The following RAI14 variants were observed in gnomAD, a reference collection of about 807,000 sequenced individuals.
RAI14 encodes the protein ankycorbin.
A neutral mutation model predicts 115.4 loss-of-function variants in RAI14; 45 were observed. That is an observed-to-expected ratio of 0.39 (90% CI 0.31 to 0.50). The LOEUF (loss-of-function observed/expected upper bound fraction) is 0.50, where lower values mean the gene tolerates loss of function less well. Ranked by LOEUF, RAI14 falls within the 20% of genes least tolerant of loss-of-function variation. RAI14 has a pLI of 0.85. For missense variants in RAI14, 939 were observed against 1,131.2 expected (o/e 0.83, Z 2.44); for synonymous variants, 371 against 415.4 (o/e 0.89, Z 1.30).
intron 3 of RAI14, among the ~76,000 whole-genome samples, chr5:34,759,066 C>A (rs1013476365): frequency 2.0e-5 from 3 of 152,088 alleles, no homozygotes; most frequent in African/African-American, 4.8e-5. Flanking sequence ...AGTTCAAGAC[C>A]AGCCTGGCCA....
At chr5:34,677,572 G>A (rs375401356) in intron 1 of RAI14, among the ~76,000 whole-genome samples, 3 of 152,096 alleles carry the variant, frequency 2.0e-5, no homozygotes, top group East Asian at 3.9e-4. Flanking sequence ...AGCCTCCCAA[G>A]TACCTGGGCC....
chr5:34,708,266 G>C (rs530935191), intron 2 of RAI14, among the ~76,000 whole-genome samples: 9 of 150,994 alleles, frequency 6.0e-5, no homozygotes, highest in African/African-American at 2.2e-4. Flanking sequence ...GCAATGGCGC[G>C]ATCTCGGCTC....
chr5:34,683,888 C>T (rs189476611), intron 1 of RAI14, among the ~76,000 whole-genome samples: 23 of 152,260 alleles, frequency 1.5e-4, no homozygotes, highest in African/African-American at 5.1e-4. Flanking sequence ...CCATCACGCC[C>T]GGCTAATTTT....
intron 4 of RAI14, among the ~76,000 whole-genome samples, chr5:34,799,427 G>A (rs1753918594): frequency 1.3e-5 from 2 of 149,872 alleles, no homozygotes; most frequent in South Asian, 4.3e-4. Context: ...GTGAGAACTG[G>A]TACAAAGATC....
chr5:34,706,410 A>G (rs760842121), intron 2 of RAI14, among the ~76,000 whole-genome samples: 1 of 152,198 alleles, frequency 6.6e-6, no homozygotes, highest in Non-Finnish European at 1.5e-5. Context: ...TATAAATAGA[A>G]TGTCACTTAA....
chr5:34,826,536 A>C lies in RAI14; in HGVS notation c.2799+57A>C. On this transcript the variant is annotated intron_variant, in intron 16 of 17. Transcript: ENST00000265109. ...GGGTGGAGGGCCTGGCAGATTTCCTACCATCTCAGCTGCTAGGGCAAGTGG... is the reference window on the plus strand; with the variant it reads ...GGGTGGAGGGCCTGGCAGATTTCCTCCCATCTCAGCTGCTAGGGCAAGTGG... The C allele has an allele frequency of 2.5e-6, 4 of 1,575,426 alleles. No individual in the cohort carries two copies. The South Asian group carries it at 4.7e-5, about 18-fold the overall frequency.
chr5:34,733,839 C>T (rs904679519), intron 2 of RAI14, among the ~76,000 whole-genome samples: 2 of 152,204 alleles, frequency 1.3e-5, no homozygotes, highest in African/African-American at 4.8e-5. Flanking sequence ...CTCCGTGACT[C>T]GGGCTCTGCC....
chr5:34,689,740 T>C (rs7716330), intron 2 of RAI14, among the ~76,000 whole-genome samples: 110,065 of 151,498 alleles, frequency 0.73, 40,309 homozygotes, highest in Middle Eastern at 0.83. Context: ...GGTGTGGTGG[T>C]GCATGCCTGT....
At chr5:34,775,111 A>C (rs1750676316) in intron 3 of RAI14, among the ~76,000 whole-genome samples, 1 of 152,190 alleles carries the variant, frequency 6.6e-6, no homozygotes, top group African/African-American at 2.4e-5. Flanking sequence ...ATATACAAAA[A>C]CCAAAATGGA....
intron 2 of RAI14, among the ~76,000 whole-genome samples, chr5:34,694,702 A>G (rs986283312): frequency 6.6e-6 from 1 of 152,204 alleles, no homozygotes; most frequent in African/African-American, 2.4e-5. Flanking sequence ...TTAGCTGGAA[A>G]GTGTAGAGGT....
At position 34,824,234 on chromosome 5, in the gene RAI14, A is replaced by G; in HGVS notation, c.2392A>G (p.Ser798Gly). The G allele has an allele frequency of 2.5e-6, 4 of 1,614,174 alleles. No homozygotes were observed. The highest frequency in any genetic ancestry group is 1.3e-5 in the African/African-American group (1 of 75,048). ...TGAAAAACTCCAGTCATCCTTAGAG[A>G]GTGAAGTGAGTGTGTTGGCATCGAA... is the stretch of plus-strand genomic sequence containing the variant. ...SYEKLQSSLE[S>G]EVSVLASKLK... The change falls in exon 15 of 18, where the codon AGT (serine) becomes GGT (glycine). Residue 798 changes from serine (S) to glycine (G), a missense_variant. Coordinates refer to ENST00000265109, the MANE Select transcript of RAI14 (RefSeq NM_015577.3).
chr5:34,781,624 C>G (rs899498382), intron 3 of RAI14, among the ~76,000 whole-genome samples: 6 of 152,186 alleles, frequency 3.9e-5, no homozygotes, highest in Non-Finnish European at 8.8e-5. Flanking sequence ...GAAATTGGAG[C>G]TCTCATGAAT....
chr5:34,688,063 T>G lies in RAI14; in HGVS notation c.36+1108T>G, dbSNP rs573673185. The G allele has an allele frequency of 5.7e-5, 82 of 1,445,542 alleles. No individual in the cohort carries two copies. In the African/African-American group the frequency reaches 1.0e-3, roughly 18 times the overall value. The allele number at this position is 1,445,542 out of a possible 1,614,324, so 89.5% of individuals were successfully genotyped here. On this transcript the variant is annotated intron_variant, in intron 2 of 17. Transcript: ENST00000265109. ...AAAAGTTGATCTTACCTTCTTATCC[T>G]TTAGGTAAATTAAATAAAACTCATA...
chr5:34,792,085 GC>G (rs1484137744), intron 3 of RAI14, among the ~76,000 whole-genome samples: 1 of 152,168 alleles, frequency 6.6e-6, no homozygotes, highest in Non-Finnish European at 1.5e-5. Flanking sequence ...GTGTTTCCTG[GC>G]TTTACTTCCA....
intron 3 of RAI14, among the ~76,000 whole-genome samples, chr5:34,762,793 C>T (rs972754383): frequency 6.6e-6 from 1 of 152,140 alleles, no homozygotes; most frequent in African/African-American, 2.4e-5. Flanking sequence ...GGGTTCCCTA[C>T]ATTTGGATGT....
At position 34,751,136 on chromosome 5, in the gene RAI14, C is replaced by T. The variant is rs547112490; in HGVS notation, c.37-6332C>T. Among the ~76,000 whole-genome samples the T allele has an allele frequency of 9.8e-4, 144 of 146,240 alleles. 1 individual carries two copies. Among genetic ancestry groups the T allele is most frequent in the African/African-American group, 3.6e-3 (139 of 38,732 alleles). On this transcript the variant is annotated intron_variant, in intron 2 of 17. Coordinates refer to ENST00000265109, the MANE Select transcript of RAI14 (RefSeq NM_015577.3). ...AAAGTGCTGGCATTACAGGTGTGAG[C>T]CACCGCGCCCGGCCATAATTTTTTT...
chr5:34,767,288 C>T (rs12658847), intron 3 of RAI14, among the ~76,000 whole-genome samples: 8,642 of 152,212 alleles, frequency 0.057, 298 homozygotes, highest in Middle Eastern at 0.16. Context: ...TCTGTTCCCT[C>T]CACTGGCTGG....
intron 2 of RAI14, among the ~76,000 whole-genome samples, chr5:34,745,802 T>TC (rs1466184159): frequency 6.6e-6 from 1 of 151,682 alleles, no homozygotes; most frequent in South Asian, 2.1e-4. Context: ...CTTACTCACT[T>TC]CCCCCCGGGA....
At chr5:34,804,993 C>T (rs1754692361) in intron 5 of RAI14, among the ~76,000 whole-genome samples, 1 of 152,166 alleles carries the variant, frequency 6.6e-6, no homozygotes. Context: ...TTCTCGTGGG[C>T]AAGAACCAGA....
Sources: allele counts gnomAD v4.1 joint callset (sites outside exome capture counted in the v4.1 genomes callset), GRCh38; gene constraint gnomAD v4.1.1; transcripts MANE v1.5; gene names NCBI Gene and HGNC (gene_info 2026-07-23, HGNC 2026-07-21).